SHROOM4: variants seen among roughly 807,000 people sequenced by gnomAD.
SHROOM4 encodes the protein protein Shroom4.
In SHROOM4, 17 loss-of-function variants were observed where a neutral mutation model predicts 80.3. The observed-to-expected ratio is 0.21, with a 90% CI of 0.14 to 0.32. The LOEUF (loss-of-function observed/expected upper bound fraction) is 0.32. Ranked by LOEUF, SHROOM4 falls within the 10% of genes least tolerant of loss-of-function variation. SHROOM4 has a pLI of 1.00. For missense variants in SHROOM4, 993 were observed against 1,140.3 expected, an observed-to-expected ratio of 0.87 and a Z score of 1.86; for synonymous variants, 400 against 437.5, an observed-to-expected ratio of 0.91 and a Z score of 1.07.
At chrX:50,766,314 C>T (rs1318102125) in intron 1 of SHROOM4, among the ~76,000 whole-genome samples, 3 of 110,767 alleles carry the variant, frequency 2.7e-5, no homozygotes, top group Non-Finnish European at 5.7e-5. Flanking sequence ...ACTACTTTTT[C>T]CCTCTTCAGA....
intron 2 of SHROOM4, among the ~76,000 whole-genome samples, chrX:50,689,599 C>T (rs1308950832): frequency 9.0e-6 from 1 of 111,550 alleles, no homozygotes; most frequent in Non-Finnish European, 1.9e-5. Context: ...GTTCCCATTA[C>T]GAATGACATA....
In SHROOM4 at chrX:50,588,260, G is replaced by C. The variant is rs1928798845; in HGVS notation, c.*8435C>G. On this transcript the variant is annotated 3_prime_UTR_variant, in exon 9 of 9. Coordinates refer to ENST00000376020, the MANE Select transcript of SHROOM4 (RefSeq NM_020717.5). ...CAGGTCCAAAAAATCTTGACCTGGTGCACACAGCAGGGTAGGTAAGGAAAG... is the reference window on the plus strand; with the variant it reads ...CAGGTCCAAAAAATCTTGACCTGGTCCACACAGCAGGGTAGGTAAGGAAAG... Among the ~76,000 whole-genome samples the C allele has an allele frequency of 9.0e-6, 1 of 111,533 alleles. No homozygotes were observed.
chrX:50,693,278 G>C lies in SHROOM4; in HGVS notation c.269+2508C>G, dbSNP rs1254005235. On this transcript the variant is annotated intron_variant, in intron 2 of 8. Transcript: ENST00000376020. ...AGGAAACTGACTATCTTGAAAGTAA[G>C]AGGTTTGGCCGGGCGCAGTGCCTTA... Among the ~76,000 whole-genome samples, 7 of 111,155 alleles carry C rather than the reference G, an allele frequency of 6.3e-5. No homozygotes were observed. In the Admixed American group the frequency reaches 6.7e-4, roughly 11 times the overall value.
intron 1 of SHROOM4, among the ~76,000 whole-genome samples, chrX:50,780,816 T>C (rs1337418031): frequency 8.9e-6 from 1 of 111,794 alleles, no homozygotes; most frequent in Non-Finnish European, 1.9e-5. Context: ...ATCAGAGTTT[T>C]CCAGAGAAAC....
chrX:50,773,380 C>A (rs896721308), intron 1 of SHROOM4, among the ~76,000 whole-genome samples: 3 of 112,013 alleles, frequency 2.7e-5, no homozygotes, highest in Non-Finnish European at 3.8e-5. Flanking sequence ...ACCATGAGGT[C>A]ATCTTAGAGC....
intron 1 of SHROOM4, among the ~76,000 whole-genome samples, chrX:50,720,087 A>G (rs782126248): frequency 8.9e-6 from 1 of 111,770 alleles, no homozygotes; most frequent in South Asian, 3.8e-4. Context: ...CAATTGCAGA[A>G]AAAAGACTAG....
At chrX:50,631,803 C>A (rs1931081503) in intron 4 of SHROOM4, among the ~76,000 whole-genome samples, 1 of 111,058 alleles carries the variant, frequency 9.0e-6, no homozygotes, top group African/African-American at 3.3e-5. Flanking sequence ...GACAAATATC[C>A]CTGGTGGTTG....
At chrX:50,795,017 CTT>C (rs1266277749) in intron 1 of SHROOM4, among the ~76,000 whole-genome samples, 5 of 55,838 alleles carry the variant, frequency 9.0e-5, no homozygotes, top group African/African-American at 1.9e-4. Flanking sequence ...TTATATATAT[CTT>C]TATATATATC....
intron 5 of SHROOM4, among the ~76,000 whole-genome samples, chrX:50,612,449 C>A (rs137895914): frequency 1.8e-5 from 2 of 111,086 alleles, no homozygotes; most frequent in Admixed American, 9.5e-5. Flanking sequence ...ATTCTACCAA[C>A]CTTCAAGGAA....
At chrX:50,753,140 GCTT>G (rs1393777992) in intron 1 of SHROOM4, among the ~76,000 whole-genome samples, 9 of 111,868 alleles carry the variant, frequency 8.0e-5, no homozygotes, top group Non-Finnish European at 1.1e-4. Context: ...AGTGGCATGT[GCTT>G]CTTCTTTGAT....
chrX:50,736,694 C>G (rs1256377443), intron 1 of SHROOM4, among the ~76,000 whole-genome samples: 1 of 112,160 alleles, frequency 8.9e-6, no homozygotes, highest in East Asian at 2.8e-4. Context: ...ATGAATAGTG[C>G]TGCAATAAAC....
chrX:50,773,030 A>G (rs896773919), intron 1 of SHROOM4, among the ~76,000 whole-genome samples: 8 of 112,258 alleles, frequency 7.1e-5, no homozygotes, highest in Middle Eastern at 4.6e-3. Context: ...CTACACTTAC[A>G]AAGAATATGG....
At chrX:50,787,441 C>T (rs1337955034) in intron 1 of SHROOM4, among the ~76,000 whole-genome samples, 2 of 110,769 alleles carry the variant, frequency 1.8e-5, no homozygotes, top group African/African-American at 6.6e-5. Context: ...CCAATATATG[C>T]ATTATGGAAG....
intron 1 of SHROOM4, among the ~76,000 whole-genome samples, chrX:50,702,343 C>T (rs1250888268): frequency 9.0e-6 from 1 of 111,476 alleles, no homozygotes; most frequent in African/African-American, 3.3e-5. Context: ...TACTTAGAGA[C>T]TCCGAAGAGA....
chrX:50,743,046 T>G (rs782329284), intron 1 of SHROOM4, among the ~76,000 whole-genome samples: 5 of 111,219 alleles, frequency 4.5e-5, no homozygotes, highest in African/African-American at 1.6e-4. Context: ...TTGTTCCAGC[T>G]TTGGCCATTG....
rs782402033 is a variant in SHROOM4, at chrX:50,635,056, A to C, written c.1017T>G (p.His339Gln). ...SGHDQVTSEGHQNCEFSQPPE... is the reference protein window; with the variant it reads ...SGHDQVTSEGQQNCEFSQPPE... The stretch of plus-strand genomic sequence containing the variant: ...GAGGCTGACTGAACTCACAGTTCTG[A>C]TGGCCCTCACTTGTCACTTGGTCAT... Residue 339 changes from histidine to glutamine, a missense_variant, in exon 4 of 9, where the codon CAT (histidine) becomes CAG (glutamine). By Grantham distance (24) the His-to-Gln change is conservative (BLOSUM62 0). Coordinates refer to ENST00000376020, the MANE Select transcript of SHROOM4 (RefSeq NM_020717.5). 3 of 1,212,058 alleles carry C rather than the reference A, an allele frequency of 2.5e-6. No homozygotes were observed. Among genetic ancestry groups the C allele is most frequent in the Non-Finnish European group, 2.2e-6 (2 of 895,561 alleles).
intron 1 of SHROOM4, among the ~76,000 whole-genome samples, chrX:50,805,717 G>A (rs1347949229): frequency 9.0e-6 from 1 of 111,552 alleles, no homozygotes; most frequent in Non-Finnish European, 1.9e-5. Flanking sequence ...TCCCATGGAG[G>A]GTATGAGAAG....
Position 50,589,324 on chromosome X carries a change from A to G in SHROOM4, c.*7371T>C, listed in dbSNP as rs1273652615. Among the ~76,000 whole-genome samples the G allele has an allele frequency of 1.8e-5, 2 of 111,659 alleles. No homozygotes were observed. The highest frequency in any genetic ancestry group is 3.8e-5 in the Non-Finnish European group (2 of 53,121). ...AAATAATTCATATACCATTTAGCAC[A>G]CCCATTTAAAATGTATACTTCAATG... On this transcript the variant is annotated 3_prime_UTR_variant, in exon 9 of 9. Transcript: ENST00000376020.
chrX:50,585,345 T>C (rs1928737774), downstream of SHROOM4, among the ~76,000 whole-genome samples: 1 of 111,330 alleles, frequency 9.0e-6, no homozygotes, highest in Non-Finnish European at 1.9e-5. Flanking sequence ...CACGCTGGAA[T>C]TGGCTAAATA....
Sources: allele counts gnomAD v4.1 joint callset (sites outside exome capture counted in the v4.1 genomes callset), GRCh38; gene constraint gnomAD v4.1.1; transcripts MANE v1.5; gene names NCBI Gene and HGNC (gene_info 2026-07-23, HGNC 2026-07-21).